ABCC8: variants seen among roughly 807,000 people sequenced by gnomAD.
The protein encoded by ABCC8 is ATP-binding cassette sub-family C member 8.
ABCC8 carries 137 observed loss-of-function variants against 188.0 expected under a neutral mutation model. That is an observed-to-expected ratio of 0.73 (90% CI 0.63 to 0.84). ABCC8 has a LOEUF of 0.84. Ranked by LOEUF, ABCC8 falls within the 40% of genes least tolerant of loss-of-function variation. The probability of loss-of-function intolerance (pLI) is 0.00; values close to 1 mark genes in which losing one functional copy is unlikely to be tolerated. For missense variants in ABCC8, 1,750 were observed against 2,072.7 expected (o/e 0.84, Z 3.02); for synonymous variants, 797 against 846.5 (o/e 0.94, Z 1.01).
chr11:17,428,656 C>A lies in ABCC8; in HGVS notation c.1832G>T (p.Ser611Ile), dbSNP rs1302252231. 6.2e-7 allele frequency: 1 copy of A among 1,613,464 alleles called. No individual in the cohort carries two copies. The highest frequency in any genetic ancestry group is 8.5e-7 in the Non-Finnish European group (1 of 1,180,042). Residue 611 changes from serine (S) to isoleucine (I), a missense_variant, in exon 13 of 39, where the codon AGC becomes ATC. By Grantham distance (142) the Ser-to-Ile change is moderately radical. Transcript: ENST00000389817. ...VKALVSVQKL[S>I]EFLSSAEIRE... The stretch of plus-strand genomic sequence containing the variant: ...GATCTCTGCACTGGACAGGAACTCG[C>A]TTAGCTTTTGCACGCTGCTCGGGAA...
chr11:17,431,482 C>G (rs1955846776), intron 11 of ABCC8, among the ~76,000 whole-genome samples: 2 of 152,234 alleles, frequency 1.3e-5, no homozygotes, highest in African/African-American at 4.8e-5. Flanking sequence ...GTGAACTCTA[C>G]ACAGCTCAGG....
rs190600550 is a variant in ABCC8 at position 17,432,173 on chromosome 11, C to T, written c.1671+31G>A. The T allele has an allele frequency of 7.6e-4, 1,177 of 1,551,984 alleles. 6 individuals carry two copies. The African/African-American group carries it at 0.014, about 18-fold the overall frequency. ...GCAGACGCCCTCCCCCTCCACCCTA[C>T]CCCCAAGAGATGGAGAAAGGATCCA... On this transcript the variant is annotated intron_variant, in intron 11 of 38. Coordinates refer to ENST00000389817, the MANE Select transcript of ABCC8 (RefSeq NM_000352.6).
intron 2 of ABCC8, among the ~76,000 whole-genome samples, chr11:17,472,352 A>G (rs570091015): frequency 9.2e-5 from 14 of 152,286 alleles, no homozygotes; most frequent in Middle Eastern, 3.4e-3. Flanking sequence ...ACTAACTTAT[A>G]CTGTTTTGAT....
intron 22 of ABCC8, 77 bp downstream of exon 22, chr11:17,410,439 G>A (rs1184219415): frequency 2.0e-6 from 3 of 1,511,618 alleles, no homozygotes; most frequent in Non-Finnish European, 2.8e-6. Context: ...CCAAGACAAC[G>A]GATTGGTTCC....
chr11:17,414,788 G>T, intron 18 of ABCC8, 178 bp from the exon 19 acceptor site: 1 of 783,378 alleles, frequency 1.3e-6, no homozygotes, highest in Non-Finnish European at 1.5e-6. Context: ...GGTTTGAGAG[G>T]TCTGGGTCTC....
intron 7 of ABCC8, among the ~76,000 whole-genome samples, chr11:17,450,310 C>CTT: frequency 7.9e-6 from 1 of 125,794 alleles, no homozygotes; most frequent in Non-Finnish European, 1.6e-5. Context: ...TTCTTTCTTT[C>CTT]TTTCTTTCTT....
chr11:17,396,880 C>T, intron 33 of ABCC8, 36 bp downstream of exon 33: 1 of 1,611,732 alleles, frequency 6.2e-7, no homozygotes, highest in Non-Finnish European at 8.5e-7. Context: ...CTGCTCACGC[C>T]TGTCCTGCAG....
chr11:17,446,622 A>G (rs1956540522), intron 8 of ABCC8, among the ~76,000 whole-genome samples: 3 of 152,154 alleles, frequency 2.0e-5, no homozygotes, highest in Admixed American at 2.0e-4. Context: ...ACTAAACTAG[A>G]TGAGATCTCC....
At chr11:17,440,614 C>A (rs1379328272) in intron 10 of ABCC8, among the ~76,000 whole-genome samples, 2 of 152,236 alleles carry the variant, frequency 1.3e-5, no homozygotes, top group African/African-American at 4.8e-5. Flanking sequence ...ATGCTCACAG[C>A]TCCATTCTGA....
At chr11:17,437,091 C>CAAAAA (rs71047551) in intron 10 of ABCC8, among the ~76,000 whole-genome samples, 5 of 55,088 alleles carry the variant, frequency 9.1e-5, no homozygotes, top group African/African-American at 1.4e-4. Flanking sequence ...AACTCTGTCT[C>CAAAAA]AAAAAAAAAA....
chr11:17,426,197 AC>A, intron 16 of ABCC8, among the ~76,000 whole-genome samples: 1 of 152,284 alleles, frequency 6.6e-6, no homozygotes, highest in Non-Finnish European at 1.5e-5. Flanking sequence ...TTGGGTATAT[AC>A]CCAGTAATGG....
intron 6 of ABCC8, among the ~76,000 whole-genome samples, chr11:17,455,471 G>A (rs146586620): frequency 0.014 from 2,163 of 152,102 alleles, 21 homozygotes; most frequent in Admixed American, 0.024. Context: ...TCCTCTCTCC[G>A]CCCCCAACAA....
intron 31 of ABCC8, 138 bp from the exon 32 acceptor site, chr11:17,397,451 A>C: frequency 2.6e-6 from 4 of 1,521,384 alleles, no homozygotes; most frequent in Non-Finnish European, 3.5e-6. Flanking sequence ...TGCTCAGAGC[A>C]GCCCTCCCTG....
intron 3 of ABCC8, among the ~76,000 whole-genome samples, chr11:17,466,618 T>A (rs997948118): frequency 1.6e-5 from 2 of 126,892 alleles, no homozygotes; most frequent in African/African-American, 6.0e-5. Context: ...GTGAATATAC[T>A]TTTTTTTTCT....
At chr11:17,396,010 T>A (rs1201919785) in intron 33 of ABCC8, 80 bp from the exon 34 acceptor site, 1 of 1,545,742 alleles carries the variant, frequency 6.5e-7, no homozygotes, top group African/African-American at 1.4e-5. Flanking sequence ...TGGGTGTGTG[T>A]GCAGGTGTGG....
chr11:17,413,696 G>T, intron 19 of ABCC8: 1 of 886,956 alleles, frequency 1.1e-6, no homozygotes, highest in Non-Finnish European at 1.7e-6. Flanking sequence ...TAGAAGGATG[G>T]AATTGGTTGG....
At chr11:17,407,856 C>A (rs1250451163) in intron 23 of ABCC8, among the ~76,000 whole-genome samples, 3 of 152,146 alleles carry the variant, frequency 2.0e-5, no homozygotes, top group Admixed American at 2.0e-4. Context: ...GGGAAAGAGG[C>A]ACTTTTTTTC....
Position 17,406,966 on chromosome 11 carries a change from G to A in ABCC8, c.3084C>T (p.Ala1028=). 2 of 1,614,176 alleles carry A rather than the reference G, an allele frequency of 1.2e-6. No individual in the cohort carries two copies. Among genetic ancestry groups the A allele is most frequent in the Admixed American group, 1.7e-5 (1 of 60,034 alleles). Residue 1028 remains alanine (A), a synonymous_variant, in exon 25 of 39, where the codon GCC becomes GCT. Transcript: ENST00000389817. The stretch of plus-strand genomic sequence containing the variant: ...TCCACTTGGCCAGCCAGTAGTCGAT[G>A]GCCACCAGGACCATGTGCTTGAGCA... ...SQLLKHMVLV[A]IDYWLAKWTD...
intron 10 of ABCC8, among the ~76,000 whole-genome samples, chr11:17,441,115 T>C (rs879713462): frequency 5.9e-5 from 9 of 152,164 alleles, no homozygotes; most frequent in Non-Finnish European, 1.2e-4. Flanking sequence ...AGGTGGTCGG[T>C]AGCCTCTCTT....
Sources: gnomAD v4.1 joint callset for allele counts (sites outside exome capture counted in the v4.1 genomes callset) on GRCh38, gnomAD v4.1.1 for gene constraint, MANE v1.5 for transcripts, NCBI Gene and HGNC (gene_info 2026-07-23, HGNC 2026-07-21) for gene names.